DCAF8L2: variants seen among roughly 807,000 people sequenced by gnomAD.
DCAF8L2 encodes the protein DDB1- and CUL4-associated factor 8-like protein 2.
For missense variants in DCAF8L2, 430 were observed against 490.7 expected (o/e 0.88, Z 1.17); for synonymous variants, 200 against 190.9 (o/e 1.05, Z -0.39).
intron 2 of DCAF8L2, among the ~76,000 whole-genome samples, chrX:27,672,226 A>T (rs182084646): frequency 8.9e-6 from 1 of 112,113 alleles, no homozygotes; most frequent in Admixed American, 9.5e-5. Flanking sequence ...CATGAGGGCA[A>T]CAGTTTGTAC....
intron 4 of DCAF8L2, among the ~76,000 whole-genome samples, chrX:27,729,280 A>T (rs1049784536): frequency 4.6e-4 from 51 of 111,383 alleles, no homozygotes; most frequent in African/African-American, 1.5e-3. Context: ...CAATCCACTC[A>T]TTTTAATTGT....
chrX:27,512,796 A>AAAAAC, the DCAF8L2 span, among the ~76,000 whole-genome samples: 1 of 96,671 alleles, frequency 1.0e-5, no homozygotes, highest in African/African-American at 3.9e-5. Flanking sequence ...AAAAAAAAAA[A>AAAAAC]AAAAAAAAAA....
At chrX:27,607,937 G>T (rs1926981960) in intron 1 of DCAF8L2, among the ~76,000 whole-genome samples, 1 of 111,663 alleles carries the variant, frequency 9.0e-6, no homozygotes, top group South Asian at 3.7e-4. Flanking sequence ...AAAAGTGTTA[G>T]AAATTGAAGA....
chrX:27,510,086 T>G, the DCAF8L2 span, among the ~76,000 whole-genome samples: 9 of 111,689 alleles, frequency 8.1e-5, no homozygotes, highest in African/African-American at 2.9e-4. Flanking sequence ...CTCATGGGTC[T>G]GAATATTTTG....
chrX:27,495,257 T>C, the DCAF8L2 span, among the ~76,000 whole-genome samples: 1 of 112,035 alleles, frequency 8.9e-6, no homozygotes, highest in Non-Finnish European at 1.9e-5. Context: ...TTCTGTTGCA[T>C]TGGTTGATAT....
chrX:27,716,290 G>T (rs1337594140), intron 4 of DCAF8L2, 119 bp downstream of exon 4: 2 of 112,053 alleles, frequency 1.8e-5, no homozygotes, highest in Admixed American at 1.9e-4. Context: ...AACAGAGAAT[G>T]ATTTAGGCAC....
the DCAF8L2 span, among the ~76,000 whole-genome samples, chrX:27,545,902 T>C: frequency 2.7e-5 from 3 of 111,422 alleles, no homozygotes; most frequent in South Asian, 7.7e-4. Context: ...CCAAACCATA[T>C]CATTCTGCCT....
intron 1 of DCAF8L2, among the ~76,000 whole-genome samples, chrX:27,594,117 CAT>C (rs1485456036): frequency 1.8e-5 from 2 of 111,837 alleles, no homozygotes; most frequent in Non-Finnish European, 3.8e-5. Context: ...AATGAAACCT[CAT>C]GTGTATCCAC....
intron 1 of DCAF8L2, among the ~76,000 whole-genome samples, chrX:27,602,202 A>G (rs1926679498): frequency 9.1e-6 from 1 of 110,275 alleles, no homozygotes; most frequent in South Asian, 3.9e-4. Flanking sequence ...GGCCCAGCTA[A>G]TTTTGTATTT....
At chrX:27,640,819 T>A (rs767964754) in intron 2 of DCAF8L2, among the ~76,000 whole-genome samples, 7 of 111,708 alleles carry the variant, frequency 6.3e-5, no homozygotes, top group African/African-American at 1.9e-4. Context: ...ATAAAAAGTG[T>A]AGGAGTATTT....
At chrX:27,639,682 A>C (rs1569168374) in intron 2 of DCAF8L2, among the ~76,000 whole-genome samples, 1 of 110,754 alleles carries the variant, frequency 9.0e-6, no homozygotes, top group East Asian at 2.8e-4. Flanking sequence ...GTTTTTATTA[A>C]TTTTTTTTCA....
At chrX:27,563,896 A>G in the DCAF8L2 span, among the ~76,000 whole-genome samples, 1 of 112,116 alleles carries the variant, frequency 8.9e-6, no homozygotes, top group African/African-American at 3.2e-5. Context: ...ATTTGCTCTA[A>G]TAGCTTCAAT....
chrX:27,596,490 G>A (rs1926364526), intron 1 of DCAF8L2, among the ~76,000 whole-genome samples: 1 of 111,715 alleles, frequency 9.0e-6, no homozygotes, highest in South Asian at 3.7e-4. Context: ...GTAGTCTGGA[G>A]GGGTTAGAGA....
chrX:27,730,793 T>C (rs1340988943), intron 4 of DCAF8L2, among the ~76,000 whole-genome samples: 1 of 111,056 alleles, frequency 9.0e-6, no homozygotes, highest in Non-Finnish European at 1.9e-5. Flanking sequence ...GATCACAACA[T>C]GGCACTCATA....
intron 1 of DCAF8L2, among the ~76,000 whole-genome samples, chrX:27,595,820 C>G (rs1926328087): frequency 9.0e-6 from 1 of 110,598 alleles, no homozygotes; most frequent in East Asian, 2.9e-4. Flanking sequence ...ACAGCCTGGC[C>G]AACATGGTGA....
At chrX:27,633,476 G>A (rs934686412) in intron 2 of DCAF8L2, 6 of 111,819 alleles carry the variant, frequency 5.4e-5, no homozygotes, top group African/African-American at 2.0e-4. Context: ...CTAGATGTGA[G>A]GCTGTTCTTG....
chrX:27,523,594 T>C, the DCAF8L2 span, among the ~76,000 whole-genome samples: 1 of 110,817 alleles, frequency 9.0e-6, no homozygotes, highest in Admixed American at 9.7e-5. Context: ...ATATTTAACA[T>C]TTGATGGTTA....
the DCAF8L2 span, among the ~76,000 whole-genome samples, chrX:27,520,955 G>T: frequency 9.0e-6 from 1 of 111,716 alleles, no homozygotes; most frequent in Non-Finnish European, 1.9e-5. Flanking sequence ...GGGGAAAACA[G>T]TTTATTTCCA....
the DCAF8L2 span, among the ~76,000 whole-genome samples, chrX:27,528,532 A>T: frequency 9.5e-6 from 1 of 105,396 alleles, no homozygotes; most frequent in Admixed American, 1.0e-4. Context: ...ATATATGTTT[A>T]TGTATATGTA....
Sources: gnomAD v4.1 joint callset for allele counts (sites outside exome capture counted in the v4.1 genomes callset) on GRCh38, gnomAD v4.1.1 for gene constraint, MANE v1.5 for transcripts, NCBI Gene and HGNC (gene_info 2026-07-23, HGNC 2026-07-21) for gene names.